PSD3: variants seen among roughly 807,000 people sequenced by gnomAD.
PSD3 encodes pleckstrin and Sec7 domain containing 3.
In PSD3, 49 loss-of-function variants were observed where a neutral mutation model predicts 105.5. The ratio of observed to expected loss-of-function variants is 0.46; its 90% CI spans 0.37 to 0.59. PSD3 has a LOEUF of 0.59. Among genes scored for constraint, PSD3 ranks in the 20% least tolerant of loss-of-function variants. The pLI is 0.00. For synonymous variants in PSD3, 557 were observed against 457.8 expected, an observed-to-expected ratio of 1.22 and a Z score of -2.77; for missense variants, 1,561 against 1,263.8, an observed-to-expected ratio of 1.24 and a Z score of -3.57.
intron 11 of PSD3, among the ~76,000 whole-genome samples, chr8:18,612,569 A>T (rs190428824): frequency 2.6e-5 from 4 of 152,138 alleles, no homozygotes; most frequent in Admixed American, 1.3e-4. Context: ...GATGGGTTTC[A>T]CTATGTTGGC....
At chr8:18,775,500 C>T (rs1807969066) in intron 8 of PSD3, among the ~76,000 whole-genome samples, 2 of 152,110 alleles carry the variant, frequency 1.3e-5, no homozygotes, top group Admixed American at 6.6e-5. Flanking sequence ...CTGGCCAGCA[C>T]TCATTGTTTA....
intron 8 of PSD3, among the ~76,000 whole-genome samples, chr8:18,798,730 G>A (rs1416065080): frequency 2.6e-5 from 4 of 151,978 alleles, no homozygotes; most frequent in Non-Finnish European, 4.4e-5. Flanking sequence ...TGAAGAGTTC[G>A]AGTAAATGCT....
At chr8:18,707,888 A>G (rs929149003) in intron 9 of PSD3, among the ~76,000 whole-genome samples, 2 of 152,184 alleles carry the variant, frequency 1.3e-5, no homozygotes, top group Non-Finnish European at 2.9e-5. Context: ...GGTCACAATG[A>G]CTGCAGTATG....
chr8:19,023,399 AT>A (rs1329508439), intron 1 of PSD3, among the ~76,000 whole-genome samples: 1 of 48,798 alleles, frequency 2.0e-5, no homozygotes, highest in East Asian at 5.9e-4. Context: ...GCCACTATTT[AT>A]TTATTTATTT....
At chr8:18,915,605 C>T (rs1327368630) in intron 2 of PSD3, among the ~76,000 whole-genome samples, 1 of 152,028 alleles carries the variant, frequency 6.6e-6, no homozygotes, top group Non-Finnish European at 1.5e-5. Flanking sequence ...ATACAAATGG[C>T]CAACAGATAT....
intron 4 of PSD3, among the ~76,000 whole-genome samples, chr8:18,847,073 C>G (rs368778453): frequency 1.3e-5 from 2 of 152,098 alleles, no homozygotes; most frequent in Non-Finnish European, 2.9e-5. Flanking sequence ...GATTTGGCCT[C>G]GACACTGCCT....
intron 15 of PSD3, among the ~76,000 whole-genome samples, chr8:18,550,655 T>C (rs1800707573): frequency 6.6e-6 from 1 of 152,220 alleles, no homozygotes; most frequent in African/African-American, 2.4e-5. Flanking sequence ...AAGCCTGTTT[T>C]ATAATAAAAT....
At chr8:18,738,898 G>C (rs540117346) in intron 9 of PSD3, among the ~76,000 whole-genome samples, 217 of 6,478 alleles carry the variant, frequency 0.033, no homozygotes, top group African/African-American at 0.06. Context: ...AAAAATTCTA[G>C]TCATTTTTTT....
intron 9 of PSD3, among the ~76,000 whole-genome samples, chr8:18,755,024 A>G (rs535922020): frequency 6.6e-6 from 1 of 152,278 alleles, no homozygotes; most frequent in African/African-American, 2.4e-5. Context: ...TATCATAAGC[A>G]AAAAGAGGAT....
intron 1 of PSD3, among the ~76,000 whole-genome samples, chr8:19,057,622 G>A (rs1285695049): frequency 1.3e-5 from 2 of 152,044 alleles, no homozygotes; most frequent in Non-Finnish European, 2.9e-5. Flanking sequence ...CTGGGACCCT[G>A]CTAAACATTT....
intron 14 of PSD3, among the ~76,000 whole-genome samples, chr8:18,561,943 C>G (rs748814057): frequency 5.9e-5 from 9 of 152,040 alleles, no homozygotes; most frequent in Admixed American, 5.9e-4. Flanking sequence ...AGCTTTTTAT[C>G]TTTTTATACC....
chr8:18,561,959 T>C (rs975154120), intron 14 of PSD3, among the ~76,000 whole-genome samples: 4 of 152,290 alleles, frequency 2.6e-5, no homozygotes, highest in Middle Eastern at 3.4e-3. Context: ...ATACCAAGTA[T>C]AAGATTTACA....
chr8:19,048,001 T>C (rs1185774265), intron 1 of PSD3, among the ~76,000 whole-genome samples: 1 of 152,106 alleles, frequency 6.6e-6, no homozygotes, highest in Non-Finnish European at 1.5e-5. Context: ...CTTCAGCAAC[T>C]CCAATGACCA....
At chr8:19,060,488 G>T (rs1035462661) in intron 1 of PSD3, among the ~76,000 whole-genome samples, 4 of 152,062 alleles carry the variant, frequency 2.6e-5, no homozygotes, top group Admixed American at 2.6e-4. Flanking sequence ...CAAAAAGCTA[G>T]CCAGATGTGA....
chr8:18,650,722 A>T (rs1374771865), intron 10 of PSD3, among the ~76,000 whole-genome samples: 3 of 152,202 alleles, frequency 2.0e-5, no homozygotes, highest in Non-Finnish European at 4.4e-5. Flanking sequence ...TAAATAAATG[A>T]TCCTTGCTAC....
intron 4 of PSD3, among the ~76,000 whole-genome samples, chr8:18,815,710 G>A (rs962010559): frequency 5.5e-4 from 84 of 152,148 alleles, no homozygotes; most frequent in Non-Finnish European, 2.2e-4. Context: ...CTGTTCTGCA[G>A]TGTCCCTCTC....
At chr8:18,641,551 G>A (rs1309847015) in intron 10 of PSD3, among the ~76,000 whole-genome samples, 1 of 152,190 alleles carries the variant, frequency 6.6e-6, no homozygotes, top group Admixed American at 6.5e-5. Context: ...TATAATGCAA[G>A]AAATCCTTGT....
At chr8:18,609,401 G>A (rs1368547809) in intron 11 of PSD3, among the ~76,000 whole-genome samples, 1 of 152,128 alleles carries the variant, frequency 6.6e-6, no homozygotes, top group African/African-American at 2.4e-5. Flanking sequence ...TCCCAATGAT[G>A]GCATTCCAAA....
At chr8:18,777,957 G>A (rs78898510) in intron 8 of PSD3, among the ~76,000 whole-genome samples, 9 of 152,160 alleles carry the variant, frequency 5.9e-5, no homozygotes, top group South Asian at 2.1e-4. Context: ...TTTTATCCAC[G>A]TTACCGTAAA....
Sources: gnomAD v4.1 joint callset for allele counts (sites outside exome capture counted in the v4.1 genomes callset) on GRCh38, gnomAD v4.1.1 for gene constraint, MANE v1.5 for transcripts, NCBI Gene and HGNC (gene_info 2026-07-23, HGNC 2026-07-21) for gene names.